The following ERAP1 variants were observed in gnomAD, a reference collection of about 807,000 sequenced individuals.
ERAP1 encodes the protein adipocyte-derived leucine aminopeptidase.
ERAP1 carries 86 observed loss-of-function variants against 103.7 expected under a neutral mutation model. The observed-to-expected ratio is 0.83, with a 90% CI of 0.70 to 0.99. The LOEUF (loss-of-function observed/expected upper bound fraction) is 0.99. Among genes scored for constraint, ERAP1 ranks in the 50% least tolerant of loss-of-function variants. The pLI is 0.00. For missense variants in ERAP1, 1,009 were observed against 1,128.4 expected (o/e 0.89, Z 1.52); for synonymous variants, 398 against 402.4 (o/e 0.99, Z 0.13).
chr5:96,909,666 G>C, the ERAP1 span: 1 of 1,614,150 alleles, frequency 6.2e-7, no homozygotes, highest in Non-Finnish European at 8.5e-7. Context: ...TGCTCCGCTC[G>C]GCTCTCTTGA....
the ERAP1 span, among the ~76,000 whole-genome samples, chr5:96,897,164 CAT>C: frequency 6.6e-6 from 1 of 152,124 alleles, no homozygotes; most frequent in East Asian, 1.9e-4. Flanking sequence ...TAATTTCTAC[CAT>C]ATAACACCTA....
chr5:96,909,752 G>A, the ERAP1 span: 1 of 1,613,972 alleles, frequency 6.2e-7, no homozygotes, highest in Non-Finnish European at 8.5e-7. Flanking sequence ...ATGGAATCCA[G>A]TGGAAAATTA....
At chr5:96,837,836 A>G in the ERAP1 span, among the ~76,000 whole-genome samples, 1 of 152,184 alleles carries the variant, frequency 6.6e-6, no homozygotes, top group Non-Finnish European at 1.5e-5. Flanking sequence ...AGTGGCTCTC[A>G]GCGTGAAGGG....
chr5:96,864,813 CT>C, the ERAP1 span, among the ~76,000 whole-genome samples: 3 of 150,874 alleles, frequency 2.0e-5, no homozygotes, highest in South Asian at 2.1e-4. Flanking sequence ...GGGAACAATA[CT>C]TTTTTTTTCA....
chr5:96,771,660 C>T, downstream of ERAP1: 1 of 1,611,950 alleles, frequency 6.2e-7, no homozygotes, highest in African/African-American at 1.3e-5. Flanking sequence ...GAGGAAACTT[C>T]CAAGCCAAAA....
the ERAP1 span, among the ~76,000 whole-genome samples, chr5:96,816,459 G>A: frequency 6.6e-6 from 1 of 152,152 alleles, no homozygotes; most frequent in Non-Finnish European, 1.5e-5. Context: ...AAGAAATGTG[G>A]TTAAGAACTT....
chr5:96,896,599 T>G, the ERAP1 span: 6 of 1,479,778 alleles, frequency 4.1e-6, no homozygotes, highest in Middle Eastern at 3.7e-4. Flanking sequence ...CAGTTCCTGC[T>G]ACTTGTTTCA....
At chr5:96,871,314 A>T in the ERAP1 span, among the ~76,000 whole-genome samples, 2 of 152,082 alleles carry the variant, frequency 1.3e-5, no homozygotes, top group Non-Finnish European at 2.9e-5. Flanking sequence ...GGGTTGCCTG[A>T]TATTCATTGT....
At chr5:96,842,955 T>C in the ERAP1 span, among the ~76,000 whole-genome samples, 2 of 152,208 alleles carry the variant, frequency 1.3e-5, no homozygotes, top group African/African-American at 4.8e-5. Context: ...AGTTGAATTT[T>C]GTATAAGGCG....
chr5:96,929,310 G>A, the ERAP1 span, among the ~76,000 whole-genome samples: 1 of 152,104 alleles, frequency 6.6e-6, no homozygotes, highest in Non-Finnish European at 1.5e-5. Flanking sequence ...CCTCCAAGAA[G>A]GCAAAAATAG....
the ERAP1 span, among the ~76,000 whole-genome samples, chr5:96,928,952 T>C: frequency 2.3e-3 from 345 of 152,314 alleles, no homozygotes; most frequent in Non-Finnish European, 2.5e-3. Context: ...TATATGGCCT[T>C]CCTCTAGGAT....
chr5:96,876,615 T>C, the ERAP1 span: 1 of 152,352 alleles, frequency 6.6e-6, no homozygotes, highest in Non-Finnish European at 1.5e-5. Flanking sequence ...ACTGCTGTGT[T>C]GAGAAGGTTT....
chr5:96,907,029 A>AAAAAC, the ERAP1 span, among the ~76,000 whole-genome samples: 109 of 152,336 alleles, frequency 7.2e-4, no homozygotes, highest in South Asian at 0.016. Flanking sequence ...ACTCCATCTC[A>AAAAAC]AAAACAAAAC....
At chr5:96,855,532 C>T in the ERAP1 span, among the ~76,000 whole-genome samples, 4 of 152,314 alleles carry the variant, frequency 2.6e-5, no homozygotes, top group East Asian at 7.7e-4. Context: ...TGGAGCTTCA[C>T]CAGCGATTGC....
chr5:96,905,733 A>T, the ERAP1 span, among the ~76,000 whole-genome samples: 113 of 152,166 alleles, frequency 7.4e-4, 1 homozygote, highest in African/African-American at 2.6e-3. Context: ...AAAATAAAAA[A>T]ATTAGCCCAG....
At chr5:96,916,092 G>C in the ERAP1 span, among the ~76,000 whole-genome samples, 1 of 151,916 alleles carries the variant, frequency 6.6e-6, no homozygotes, top group East Asian at 1.9e-4. Context: ...GTGGTGGCAC[G>C]CACCTGTAGT....
At chr5:96,888,950 A>T in the ERAP1 span, among the ~76,000 whole-genome samples, 83 of 152,348 alleles carry the variant, frequency 5.4e-4, no homozygotes, top group South Asian at 0.016. Context: ...AAAGTTACAG[A>T]TGAGCACTGA....
At chr5:96,773,386 A>G (rs1773153871), downstream of ERAP1, 1 of 152,924 alleles carries the variant, frequency 6.5e-6, no homozygotes, top group Non-Finnish European at 1.5e-5. Flanking sequence ...GAGCATAAGA[A>G]ATAAAATCTA....
the ERAP1 span, chr5:96,917,409 C>T: frequency 3.2e-6 from 5 of 1,543,036 alleles, no homozygotes; most frequent in South Asian, 4.7e-5. Context: ...GTGTGAACCA[C>T]CACACTCGGC....
Sources: allele counts gnomAD v4.1 joint callset (sites outside exome capture counted in the v4.1 genomes callset), GRCh38; gene constraint gnomAD v4.1.1; transcripts MANE v1.5; gene names NCBI Gene and HGNC (gene_info 2026-07-23, HGNC 2026-07-21).